Variants in CCDC91 observed in about 807,000 individuals in gnomAD.
The protein encoded by CCDC91 is coiled-coil domain containing 91.
Under a neutral mutation model 63.2 loss-of-function variants are expected in CCDC91, and 48 were observed. That is an observed-to-expected ratio of 0.76 (90% CI 0.60 to 0.97). CCDC91 has a LOEUF of 0.97. CCDC91 is among the 50% of genes least tolerant of loss of function. The pLI, the probability that CCDC91 is intolerant of heterozygous loss-of-function variation, is 0.00. For missense variants in CCDC91, 500 were observed against 494.6 expected, an observed-to-expected ratio of 1.01 and a Z score of -0.10; for synonymous variants, 167 against 165.8, an observed-to-expected ratio of 1.01 and a Z score of -0.06.
chr12:28,229,831 C>T (rs1944480695), intron 1 of CCDC91, among the ~76,000 whole-genome samples: 1 of 151,990 alleles, frequency 6.6e-6, no homozygotes, highest in South Asian at 2.1e-4. Flanking sequence ...GTGTTTGTGG[C>T]TAGAAGAAGG....
At chr12:28,465,137 G>A (rs1374957041) in intron 11 of CCDC91, among the ~76,000 whole-genome samples, 2 of 152,344 alleles carry the variant, frequency 1.3e-5, no homozygotes, top group South Asian at 4.1e-4. Context: ...TTGGAAAGGG[G>A]AGGGAAGAGT....
chr12:28,546,098 C>T (rs1361964933), intron 12 of CCDC91, among the ~76,000 whole-genome samples: 2 of 152,104 alleles, frequency 1.3e-5, no homozygotes, highest in Non-Finnish European at 2.9e-5. Flanking sequence ...GAAGCCACCT[C>T]CAAACTGAAT....
chr12:28,407,995 C>T (rs1344737069), intron 8 of CCDC91, among the ~76,000 whole-genome samples: 4 of 144,274 alleles, frequency 2.8e-5, no homozygotes, highest in African/African-American at 1.0e-4. Context: ...ACTTTAAGTT[C>T]TGGGATACAT....
intron 8 of CCDC91, among the ~76,000 whole-genome samples, chr12:28,402,564 T>TTA (rs1946698734): frequency 8.6e-6 from 1 of 115,782 alleles, no homozygotes; most frequent in Non-Finnish European, 1.7e-5. Flanking sequence ...TTGGATTTTC[T>TTA]ACACAGACAA....
At chr12:28,444,351 T>C (rs1949387095) in intron 8 of CCDC91, among the ~76,000 whole-genome samples, 1 of 152,172 alleles carries the variant, frequency 6.6e-6, no homozygotes, top group African/African-American at 2.4e-5. Context: ...ATGGGTAAGA[T>C]TATATGAATG....
At chr12:28,378,517 C>A (rs1201213865) in intron 7 of CCDC91, among the ~76,000 whole-genome samples, 4 of 151,900 alleles carry the variant, frequency 2.6e-5, no homozygotes, top group African/African-American at 4.8e-5. Context: ...TTTTCTCTTC[C>A]TTTGATATTT....
At chr12:28,529,859 C>T (rs536905604) in intron 12 of CCDC91, among the ~76,000 whole-genome samples, 1 of 152,032 alleles carries the variant, frequency 6.6e-6, no homozygotes, top group South Asian at 2.1e-4. Flanking sequence ...CATACCAAAT[C>T]CCATAAAAAT....
intron 6 of CCDC91, among the ~76,000 whole-genome samples, chr12:28,334,481 T>C (rs1343854917): frequency 6.6e-6 from 1 of 152,182 alleles, no homozygotes; most frequent in Non-Finnish European, 1.5e-5. Flanking sequence ...TCCTTGCCTA[T>C]GGCATCCTTT....
intron 1 of CCDC91, among the ~76,000 whole-genome samples, chr12:28,193,797 TCTAAC>T (rs914652924): frequency 2.6e-5 from 4 of 152,224 alleles, no homozygotes; most frequent in African/African-American, 9.7e-5. Context: ...GAATTTTTCT[TCTAAC>T]ATATTGAGCG....
chr12:28,265,147 G>A (rs1222950477), intron 3 of CCDC91, among the ~76,000 whole-genome samples: 2 of 152,004 alleles, frequency 1.3e-5, no homozygotes, highest in South Asian at 4.1e-4. Flanking sequence ...ATGTTTAACT[G>A]TATAAATATA....
chr12:28,203,717 G>T (rs117279998), intron 1 of CCDC91, among the ~76,000 whole-genome samples: 7 of 152,070 alleles, frequency 4.6e-5, no homozygotes, highest in Non-Finnish European at 1.0e-4. Flanking sequence ...AAGGTAGAAC[G>T]TAAGCTACTT....
intron 3 of CCDC91, among the ~76,000 whole-genome samples, chr12:28,283,898 A>T (rs1169938025): frequency 6.6e-6 from 1 of 152,056 alleles, no homozygotes; most frequent in Non-Finnish European, 1.5e-5. Context: ...AGGGTTTTGG[A>T]TTAGGGATGC....
intron 6 of CCDC91, among the ~76,000 whole-genome samples, chr12:28,344,336 A>G (rs1942654315): frequency 6.6e-6 from 1 of 152,112 alleles, no homozygotes; most frequent in Non-Finnish European, 1.5e-5. Context: ...TTTACTTTTC[A>G]TCATCATTAA....
At chr12:28,515,216 G>C (rs1238541167) in intron 12 of CCDC91, among the ~76,000 whole-genome samples, 2 of 151,668 alleles carry the variant, frequency 1.3e-5, no homozygotes, top group Non-Finnish European at 2.9e-5. Flanking sequence ...TTTCTTATGG[G>C]GGACTTCGGC....
intron 8 of CCDC91, among the ~76,000 whole-genome samples, chr12:28,394,414 C>T (rs969496304): frequency 1.3e-5 from 2 of 151,482 alleles, no homozygotes; most frequent in Admixed American, 1.3e-4. Context: ...TGCAGTGACC[C>T]GAGATCATGC....
At chr12:28,406,037 T>C (rs1199272052) in intron 8 of CCDC91, among the ~76,000 whole-genome samples, 2 of 152,136 alleles carry the variant, frequency 1.3e-5, no homozygotes, top group Non-Finnish European at 2.9e-5. Flanking sequence ...AATTAGCTCA[T>C]TCCAGGTGAT....
At chr12:28,420,833 C>G (rs1481739059) in intron 8 of CCDC91, among the ~76,000 whole-genome samples, 1 of 150,888 alleles carries the variant, frequency 6.6e-6, no homozygotes, top group South Asian at 2.1e-4. Context: ...TTTTCAATAT[C>G]TGACATTTAG....
chr12:28,488,801 C>A (rs898811975), intron 12 of CCDC91, among the ~76,000 whole-genome samples: 2 of 151,984 alleles, frequency 1.3e-5, no homozygotes, highest in African/African-American at 4.8e-5. Flanking sequence ...AAGGTACCTG[C>A]AAGTACAGTG....
chr12:28,378,849 CT>C (rs1945105405), intron 7 of CCDC91, among the ~76,000 whole-genome samples: 1 of 152,084 alleles, frequency 6.6e-6, no homozygotes, highest in African/African-American at 2.4e-5. Context: ...CTCCCACCAA[CT>C]TAACCTCAGT....
Sources: gnomAD v4.1 joint callset for allele counts (sites outside exome capture counted in the v4.1 genomes callset) on GRCh38, gnomAD v4.1.1 for gene constraint, MANE v1.5 for transcripts, NCBI Gene and HGNC (gene_info 2026-07-23, HGNC 2026-07-21) for gene names.